Variants in PARG observed in about 807,000 individuals in gnomAD.
The protein encoded by PARG is poly(ADP-ribose) glycohydrolase, also known as mitochondrial poly(ADP-ribose) glycohydrolase.
A neutral mutation model predicts 113.0 loss-of-function variants in PARG; 35 were observed. The ratio of observed to expected loss-of-function variants is 0.31; its 90% CI spans 0.24 to 0.41. PARG has a LOEUF of 0.41. Among genes scored for constraint, PARG ranks in the 10% least tolerant of loss-of-function variants. The pLI is 1.00. For missense variants in PARG, 797 were observed against 1,169.4 expected (o/e 0.68, Z 4.64); for synonymous variants, 330 against 409.9 (o/e 0.81, Z 2.36).
chr10:49,823,254 G>A (rs1844194048), intron 16 of PARG, among the ~76,000 whole-genome samples: 1 of 151,968 alleles, frequency 6.6e-6, no homozygotes, highest in South Asian at 2.1e-4. Flanking sequence ...ATACATAAAG[G>A]TGTGTATTTT....
chr10:49,829,253 A>G (rs935644137), intron 16 of PARG, among the ~76,000 whole-genome samples: 1 of 151,684 alleles, frequency 6.6e-6, no homozygotes, highest in African/African-American at 2.4e-5. Context: ...AAAAAAAAAA[A>G]TTTGCCTTCT....
At chr10:49,939,489 G>C (rs1838913395) in intron 1 of PARG, among the ~76,000 whole-genome samples, 1 of 152,190 alleles carries the variant, frequency 6.6e-6, no homozygotes, top group African/African-American at 2.4e-5. Context: ...TTCTTACTCT[G>C]TGTACTGGAT....
In PARG at chr10:49,911,432, G is replaced by A. The variant is rs1837175789; in HGVS notation, c.1737+4485C>T. Among the ~76,000 whole-genome samples, 7 of 152,070 alleles carry A rather than the reference G, an allele frequency of 4.6e-5. No individual in the cohort carries two copies. In the South Asian group the frequency reaches 1.4e-3, roughly 31 times the overall value. On this transcript the variant is annotated intron_variant, in intron 7 of 17. Coordinates refer to ENST00000616448, the MANE Select transcript of PARG (RefSeq NM_003631.5). ...TTCATTTAGAATATAAATTACAGAA[G>A]TGTTTGAATTTAATTTTGTGAAACA... is the stretch of plus-strand genomic sequence containing the variant.
In PARG at chr10:49,900,497, C is replaced by T. The variant is rs555636811; in HGVS notation, c.1738-15202G>A. ...CAGTCACACTATTTTCCTACACAAA[C>T]TTCATTAAACATGAAGAATAGAATT... On this transcript the variant is annotated intron_variant, in intron 7 of 17. Transcript: ENST00000616448. Among the ~76,000 whole-genome samples, 34 of 152,058 alleles carry T rather than the reference C, an allele frequency of 2.2e-4. No individual in the cohort carries two copies. The East Asian group carries it at 6.0e-3, about 27-fold the overall frequency.
intron 6 of PARG, among the ~76,000 whole-genome samples, chr10:49,921,608 A>G (rs1259003990): frequency 6.6e-6 from 1 of 151,952 alleles, no homozygotes; most frequent in Non-Finnish European, 1.5e-5. Context: ...ACATTAAGAA[A>G]GCTGAGAAAC....
At chr10:49,903,122 C>T (rs1335125662) in intron 7 of PARG, among the ~76,000 whole-genome samples, 1 of 151,700 alleles carries the variant, frequency 6.6e-6, no homozygotes, top group East Asian at 2.0e-4. Flanking sequence ...CCACCATGCC[C>T]GGCCAAAAAA....
chr10:49,936,365 C>T (rs1324432551), intron 1 of PARG, among the ~76,000 whole-genome samples: 10 of 152,044 alleles, frequency 6.6e-5, no homozygotes, highest in African/African-American at 1.4e-4. Flanking sequence ...GGAAGAAATA[C>T]GATTAGGTCG....
rs201947554 is a variant in PARG, at chr10:49,921,343, ATTTTG to A, written c.1662+988_1662+992del. Among the ~76,000 whole-genome samples, 592 of 152,180 alleles carry A rather than the reference ATTTTG, an allele frequency of 3.9e-3. 7 individuals carry two copies. Among genetic ancestry groups the A allele is most frequent in the African/African-American group, 0.014 (569 of 41,514 alleles). On this transcript the variant is annotated intron_variant, in intron 6 of 17. Coordinates refer to ENST00000616448, the MANE Select transcript of PARG (RefSeq NM_003631.5). ...ATTAATAATTCTAATGATAATCTCT[ATTTTG>A]TTTTGTTTTTTTGTAACTGTTTTAA... is the stretch of plus-strand genomic sequence containing the variant.
intron 17 of PARG, among the ~76,000 whole-genome samples, 200 bp downstream of exon 17, chr10:49,819,965 C>T (rs1201684931): frequency 1.3e-5 from 2 of 152,208 alleles, no homozygotes; most frequent in Middle Eastern, 3.4e-3. Flanking sequence ...GCTGATATAC[C>T]CTATCAAGAC....
chr10:49,912,489 C>T (rs1210528084), intron 7 of PARG, among the ~76,000 whole-genome samples: 1 of 149,574 alleles, frequency 6.7e-6, no homozygotes, highest in Non-Finnish European at 1.5e-5. Flanking sequence ...ATGGTGAAAC[C>T]CAGTCTCTAA....
At chr10:49,848,971 G>A (rs1464904930) in intron 13 of PARG, among the ~76,000 whole-genome samples, 2 of 151,708 alleles carry the variant, frequency 1.3e-5, no homozygotes, top group Non-Finnish European at 2.9e-5. Flanking sequence ...CGAGGTGGGC[G>A]GATCACCTGA....
In PARG at chr10:49,842,028, G is replaced by A. The variant is rs375437639; in HGVS notation, c.2463C>T (p.Ile821=). 160 of 1,550,296 alleles carry A rather than the reference G, an allele frequency of 1.0e-4. No homozygotes were observed. The East Asian group carries it at 1.5e-3, about 14-fold the overall frequency. Reference sequence around the variant, plus strand: ...TGAAGTGAAGAGCATCGATGGCAACGATCTCAGTGCAGCGCCGCTGCCAGT... The same window carrying A: ...TGAAGTGAAGAGCATCGATGGCAACAATCTCAGTGCAGCGCCGCTGCCAGT... ...RDDWQRRCTE[I]VAIDALHFRR... The change falls in exon 15 of 18, where the codon ATC becomes ATT. Residue 821 remains isoleucine (I), a synonymous_variant. Coordinates refer to ENST00000616448, the MANE Select transcript of PARG (RefSeq NM_003631.5).
intron 8 of PARG, among the ~76,000 whole-genome samples, chr10:49,882,608 C>T (rs1341943930): frequency 2.6e-5 from 4 of 152,194 alleles, no homozygotes; most frequent in African/African-American, 9.6e-5. Context: ...AAGTTAGATA[C>T]CTTTGAACAA....
At chr10:49,842,957 C>CAAACA (rs1176653897) in intron 14 of PARG, among the ~76,000 whole-genome samples, 4 of 152,102 alleles carry the variant, frequency 2.6e-5, no homozygotes, top group Admixed American at 6.5e-5. Context: ...CATCAAATAA[C>CAAACA]AAACAAAACA....
At chr10:49,845,255 C>G (rs1247958458) in intron 13 of PARG, among the ~76,000 whole-genome samples, 3 of 152,176 alleles carry the variant, frequency 2.0e-5, no homozygotes, top group African/African-American at 4.8e-5. Context: ...CCTACAATTT[C>G]CATTCCTAGA....
chr10:49,859,517 T>C (rs1184746180), intron 12 of PARG, among the ~76,000 whole-genome samples: 4 of 152,096 alleles, frequency 2.6e-5, no homozygotes, highest in East Asian at 1.9e-4. Context: ...TGGACTGTAC[T>C]TGAGAACTAA....
intron 14 of PARG, among the ~76,000 whole-genome samples, chr10:49,842,996 C>CAG (rs1477945055): frequency 6.6e-6 from 1 of 152,186 alleles, no homozygotes; most frequent in Non-Finnish European, 1.5e-5. Flanking sequence ...CACAAGCTTT[C>CAG]AGGTAGCATT....
chr10:49,831,869 T>C (rs1397480778), intron 16 of PARG, among the ~76,000 whole-genome samples: 2 of 152,122 alleles, frequency 1.3e-5, no homozygotes, highest in East Asian at 1.9e-4. Flanking sequence ...CCTCCTACAA[T>C]AGTAACCAGC....
In PARG at chr10:49,818,347, C is replaced by G. The variant is rs571004753; in HGVS notation, c.*993G>C. ...CATATAGACACACTTAAAGAGCATACGTTTATATATACATATATAAAATAT... is the reference window on the plus strand; with the variant it reads ...CATATAGACACACTTAAAGAGCATAGGTTTATATATACATATATAAAATAT... On this transcript the variant is annotated 3_prime_UTR_variant, in exon 18 of 18. Coordinates refer to ENST00000616448, the MANE Select transcript of PARG (RefSeq NM_003631.5). 3 of 152,396 alleles carry G rather than the reference C, an allele frequency of 2.0e-5. No individual in the cohort carries two copies. Among genetic ancestry groups the G allele is most frequent in the African/African-American group, 7.3e-5 (3 of 41,350 alleles). 9.4% of individuals were successfully genotyped at this position (152,396 alleles called of 1,614,324 possible). A position where few individuals can be genotyped will look rare whatever the true frequency, so the allele number is the denominator to read the frequency against.
Sources: gnomAD v4.1 joint callset for allele counts (sites outside exome capture counted in the v4.1 genomes callset) on GRCh38, gnomAD v4.1.1 for gene constraint, MANE v1.5 for transcripts, NCBI Gene and HGNC (gene_info 2026-07-23, HGNC 2026-07-21) for gene names.